MYLK: variants seen among roughly 807,000 people sequenced by gnomAD.
The protein encoded by MYLK is myosin light chain kinase, smooth muscle.
A neutral mutation model predicts 203.4 loss-of-function variants in MYLK; 106 were observed. The ratio of observed to expected loss-of-function variants is 0.52; its 90% CI spans 0.45 to 0.61. The LOEUF is 0.61. Ranked by LOEUF, MYLK falls within the 20% of genes least tolerant of loss-of-function variation. The pLI is 0.00. For synonymous variants in MYLK, 867 were observed against 959.5 expected (o/e 0.90, Z 1.78); for missense variants, 2,072 against 2,442.3 (o/e 0.85, Z 3.20).
chr3:123,847,474 C>T (rs1380091499), intron 2 of MYLK, among the ~76,000 whole-genome samples: 1 of 152,038 alleles, frequency 6.6e-6, no homozygotes, highest in African/African-American at 2.4e-5. Flanking sequence ...GCATTCTTGT[C>T]TTTTTTATGA....
intron 3 of MYLK, among the ~76,000 whole-genome samples, chr3:123,818,688 T>TCAAAAA (rs1047409929): frequency 6.6e-6 from 1 of 152,058 alleles, no homozygotes; most frequent in Admixed American, 6.5e-5. Context: ...AGACCCTCTC[T>TCAAAAA]CAAAAACAAA....
At chr3:123,758,189 A>G (rs1425031712) in intron 4 of MYLK, among the ~76,000 whole-genome samples, 1 of 152,232 alleles carries the variant, frequency 6.6e-6, no homozygotes, top group Non-Finnish European at 1.5e-5. Flanking sequence ...ACCAAGCTTC[A>G]GAGCCTGCGT....
At chr3:123,739,864 G>C in intron 6 of MYLK, 89 bp downstream of exon 6, 1 of 1,404,362 alleles carries the variant, frequency 7.1e-7, no homozygotes, top group Non-Finnish European at 1.0e-6. Flanking sequence ...TAACCTAGGA[G>C]AGCCAAGACT....
At chr3:123,876,041 C>T (rs2033131732) in intron 2 of MYLK, among the ~76,000 whole-genome samples, 1 of 152,036 alleles carries the variant, frequency 6.6e-6, no homozygotes, top group Admixed American at 6.6e-5. Flanking sequence ...TTCTGTCAAT[C>T]CTAAAGGTGC....
chr3:123,710,316 G>T (rs2061641508), intron 13 of MYLK, among the ~76,000 whole-genome samples: 2 of 144,696 alleles, frequency 1.4e-5, no homozygotes, highest in Admixed American at 1.4e-4. Flanking sequence ...TGCCAGAAAT[G>T]ATCTACGTGT....
At chr3:123,663,015 G>A (rs540400770) in intron 23 of MYLK, among the ~76,000 whole-genome samples, 1 of 152,292 alleles carries the variant, frequency 6.6e-6, no homozygotes, top group African/African-American at 2.4e-5. Flanking sequence ...TAAATGCCAG[G>A]TCAAAGGCTT....
At chr3:123,662,992 G>A (rs561187588) in intron 23 of MYLK, among the ~76,000 whole-genome samples, 10 of 152,242 alleles carry the variant, frequency 6.6e-5, no homozygotes, top group South Asian at 4.1e-4. Flanking sequence ...CTCGGGTCTC[G>A]TGCACATATC....
At chr3:123,800,015 T>G (rs2065139056) in intron 3 of MYLK, 1 of 152,204 alleles carries the variant, frequency 6.6e-6, no homozygotes, top group South Asian at 2.1e-4. Flanking sequence ...TTGTTCTGAC[T>G]CTGCTCGCAG....
At chr3:123,673,291 C>T (rs1337095577) in intron 20 of MYLK, among the ~76,000 whole-genome samples, 6 of 151,434 alleles carry the variant, frequency 4.0e-5, no homozygotes. Context: ...ACCCACTCAG[C>T]TAATTTTTTG....
chr3:123,795,620 G>A (rs13065026), intron 3 of MYLK, among the ~76,000 whole-genome samples: 2 of 152,136 alleles, frequency 1.3e-5, no homozygotes, highest in Non-Finnish European at 2.9e-5. Context: ...TCCAGTCAAG[G>A]CCATTGGACA....
At chr3:123,760,858 T>C (rs1301028726) in intron 4 of MYLK, among the ~76,000 whole-genome samples, 5 of 152,236 alleles carry the variant, frequency 3.3e-5, no homozygotes, top group East Asian at 1.9e-4. Context: ...CTTGTTTTTA[T>C]GTATTATTAA....
intron 19 of MYLK, among the ~76,000 whole-genome samples, chr3:123,683,266 C>T (rs901570345): frequency 2.2e-5 from 3 of 133,374 alleles, no homozygotes; most frequent in Non-Finnish European, 3.1e-5. Context: ...TTTTCCTGCT[C>T]CTGAGGAGAG....
intron 5 of MYLK, among the ~76,000 whole-genome samples, chr3:123,747,372 A>G (rs2063052256): frequency 6.6e-6 from 1 of 152,084 alleles, no homozygotes; most frequent in Non-Finnish European, 1.5e-5. Flanking sequence ...GGGTGTGGAT[A>G]GCAGGAGCTG....
At position 123,785,954 on chromosome 3, in the gene MYLK, T is replaced by C. The variant is rs571506016; in HGVS notation, c.165+7723A>G. 1.7e-3 allele frequency among the ~76,000 whole-genome samples: 256 copies of C among 152,314 alleles called. 1 individual carries two copies. Among genetic ancestry groups the C allele is most frequent in the Non-Finnish European group, 2.4e-3 (163 of 68,034 alleles). On this transcript the variant is annotated intron_variant, in intron 4 of 33. Transcript: ENST00000360304. ...CTGTATCTTGAACAGCTCACTCTCA[T>C]TGAAGAAGCAAAAGATAAACAATAA...
rs1397237242 is a variant in MYLK, at chr3:123,708,897, T to C, written c.1943-2A>G. The C allele has an allele frequency of 6.2e-6, 10 of 1,613,552 alleles. No homozygotes were observed. Among genetic ancestry groups the C allele is most frequent in the Non-Finnish European group, 8.5e-6 (10 of 1,179,550 alleles). ...AGATGACTTCAGGGGGTGGATTCCC[T>C]GAACCAGGAGGAGGGGAAGGGGGAT... On this transcript the variant is annotated splice_acceptor_variant, in intron 14 of 33. Coordinates refer to ENST00000360304, the MANE Select transcript of MYLK (RefSeq NM_053025.4). LOFTEE classifies it high-confidence loss of function.
rs141474035 is a variant in MYLK at position 123,683,215 on chromosome 3, C to T, written c.3566-905G>A. Among the ~76,000 whole-genome samples, 8 of 142,994 alleles carry T rather than the reference C, an allele frequency of 5.6e-5. No individual in the cohort carries two copies. The East Asian group carries it at 1.7e-3, about 31-fold the overall frequency. 93.8% of individuals were successfully genotyped at this position (142,994 alleles called of 152,430 possible). ...CAAGGAGCACTCTTTGGGGACGGCG[C>T]TGAGAGAGTCTCCCCCTTGAAGCCC... On this transcript the variant is annotated intron_variant, in intron 19 of 33. Transcript: ENST00000360304.
chr3:123,738,053 C>G (rs1410655559), intron 7 of MYLK, among the ~76,000 whole-genome samples: 1 of 151,880 alleles, frequency 6.6e-6, no homozygotes, highest in Non-Finnish European at 1.5e-5. Flanking sequence ...CCCACCTCTC[C>G]CCCTTAAGCT....
At chr3:123,779,763 C>A (rs1317320191) in intron 4 of MYLK, among the ~76,000 whole-genome samples, 3 of 152,206 alleles carry the variant, frequency 2.0e-5, no homozygotes, top group African/African-American at 7.2e-5. Flanking sequence ...GCCTTTATTT[C>A]AGAGTTCTTC....
At chr3:123,619,463 C>T (rs2057720631) in intron 32 of MYLK, among the ~76,000 whole-genome samples, 1 of 152,216 alleles carries the variant, frequency 6.6e-6, no homozygotes, top group Non-Finnish European at 1.5e-5. Flanking sequence ...TCACCAATAA[C>T]CCTACCTTTG....
Sources: gnomAD v4.1 joint callset for allele counts (sites outside exome capture counted in the v4.1 genomes callset) on GRCh38, gnomAD v4.1.1 for gene constraint, MANE v1.5 for transcripts, NCBI Gene and HGNC (gene_info 2026-07-23, HGNC 2026-07-21) for gene names.